The following ZFHX3 variants were observed in gnomAD, a reference collection of about 807,000 sequenced individuals.
The protein encoded by ZFHX3 is zinc finger homeobox protein 3.
ZFHX3 carries 42 observed loss-of-function variants against 279.1 expected under a neutral mutation model. The observed-to-expected ratio is 0.15, with a 90% confidence interval of 0.12 to 0.19. ZFHX3 has a LOEUF of 0.19. Among genes scored for constraint, ZFHX3 ranks in the 10% least tolerant of loss-of-function variants. The pLI is 1.00. For missense variants in ZFHX3, 4,981 were observed against 4,754.0 expected (o/e 1.05, Z -1.40); for synonymous variants, 2,293 against 1,957.8 (o/e 1.17, Z -4.52).
chr16:73,291,152 G>A (rs2014758715), intron 4 of ZFHX3, among the ~76,000 whole-genome samples: 2 of 152,188 alleles, frequency 1.3e-5, no homozygotes, highest in African/African-American at 4.8e-5. Flanking sequence ...TGTCTGTAGA[G>A]TTATCCCATT....
At chr16:73,822,596 G>A (rs149194899) in intron 1 of ZFHX3, among the ~76,000 whole-genome samples, 265 of 152,068 alleles carry the variant, frequency 1.7e-3, no homozygotes, top group Admixed American at 0.015. Flanking sequence ...GTTCTGCTCG[G>A]CATAGATACT....
chr16:73,595,591 G>A (rs868494006), intron 2 of ZFHX3, among the ~76,000 whole-genome samples: 3 of 152,054 alleles, frequency 2.0e-5, no homozygotes, highest in African/African-American at 4.8e-5. Context: ...CACTCTCTGG[G>A]TGTGATACAT....
At chr16:73,324,788 G>T (rs957848913) in intron 3 of ZFHX3, among the ~76,000 whole-genome samples, 1 of 152,152 alleles carries the variant, frequency 6.6e-6, no homozygotes, top group African/African-American at 2.4e-5. Context: ...ATATCCATTA[G>T]GACTGGAAGG....
At chr16:73,480,402 A>T (rs1367908805) in intron 2 of ZFHX3, among the ~76,000 whole-genome samples, 1 of 152,174 alleles carries the variant, frequency 6.6e-6, no homozygotes, top group Non-Finnish European at 1.5e-5. Context: ...GAGGAACCTT[A>T]GGTAATGAAC....
At chr16:73,172,828 A>G (rs1363428453) in intron 5 of ZFHX3, among the ~76,000 whole-genome samples, 1 of 152,042 alleles carries the variant, frequency 6.6e-6, no homozygotes, top group Non-Finnish European at 1.5e-5. Flanking sequence ...ACCATGGGTC[A>G]TTGACAGTCG....
chr16:73,683,852 G>A lies in ZFHX3; in HGVS notation c.-1607-3612C>T, dbSNP rs2053051628. On this transcript the variant is annotated intron_variant, in intron 1 of 17. Transcript: ENST00000641206. ...AGAATAGTATAATAGAATGTTATTT[G>A]TTGTTCAGAGAAGGGTCATAAACTT... Among the ~76,000 whole-genome samples the A allele has an allele frequency of 2.0e-5, 3 of 152,206 alleles. No homozygotes were observed. The South Asian group carries it at 6.2e-4, about 32-fold the overall frequency.
intron 3 of ZFHX3, among the ~76,000 whole-genome samples, chr16:73,414,278 T>C (rs963151255): frequency 3.3e-5 from 5 of 152,210 alleles, no homozygotes; most frequent in African/African-American, 9.7e-5. Flanking sequence ...AGAGATAATT[T>C]CTACCTTTTA....
rs532627759 is a variant in ZFHX3 at position 73,069,779 on chromosome 16, G to A, written c.-532-10767C>T. Among the ~76,000 whole-genome samples, 36 of 152,244 alleles carry A rather than the reference G, an allele frequency of 2.4e-4. No homozygotes were observed. The South Asian group carries it at 2.5e-3, about 11-fold the overall frequency. The stretch of plus-strand genomic sequence containing the variant: ...CTGAGTTGGTCACTCCACTTCCCAC[G>A]GGCTTTGGCCAAATTTCCACCCGGT... On this transcript the variant is annotated intron_variant, in intron 8 of 17. Coordinates refer to the ZFHX3 transcript ENST00000641206.
intron 2 of ZFHX3, among the ~76,000 whole-genome samples, chr16:73,591,418 G>A (rs1052026612): frequency 6.8e-6 from 1 of 146,860 alleles, no homozygotes; most frequent in Admixed American, 6.8e-5. Flanking sequence ...AGGGGGCCGG[G>A]TGCGGTGGCT....
At chr16:73,586,708 G>T (rs1173272648) in intron 2 of ZFHX3, among the ~76,000 whole-genome samples, 2 of 152,076 alleles carry the variant, frequency 1.3e-5, no homozygotes, top group African/African-American at 4.8e-5. Context: ...TTATGTTATT[G>T]GCAGATGAGG....
intron 1 of ZFHX3, among the ~76,000 whole-genome samples, chr16:73,849,297 T>A (rs1338750448): frequency 1.3e-5 from 2 of 152,214 alleles, no homozygotes; most frequent in Non-Finnish European, 2.9e-5. Flanking sequence ...GCAGTTGAAC[T>A]TTGAATCTGA....
At chr16:73,332,199 G>A (rs557298344) in intron 3 of ZFHX3, among the ~76,000 whole-genome samples, 2 of 152,132 alleles carry the variant, frequency 1.3e-5, no homozygotes, top group Admixed American at 6.5e-5. Context: ...TGATAAAAAC[G>A]AAATTTGGGG....
At chr16:73,462,657 T>C (rs2018493017) in intron 2 of ZFHX3, among the ~76,000 whole-genome samples, 1 of 152,220 alleles carries the variant, frequency 6.6e-6, no homozygotes, top group South Asian at 2.1e-4. Context: ...CTGCATCAAT[T>C]GATATAATCA....
chr16:73,035,672 G>A (rs912716415), intron 1 of ZFHX3, among the ~76,000 whole-genome samples: 14 of 152,230 alleles, frequency 9.2e-5, no homozygotes, highest in African/African-American at 3.4e-4. Context: ...GATCACTTGA[G>A]CTCAGGAGTT....
intron 1 of ZFHX3, among the ~76,000 whole-genome samples, chr16:73,697,195 C>T (rs1416516015): frequency 6.7e-6 from 1 of 149,032 alleles, no homozygotes; most frequent in Non-Finnish European, 1.5e-5. Flanking sequence ...ATTAGGAAAA[C>T]ATCTATCATG....
Position 73,735,812 on chromosome 16 carries a change from G to A in ZFHX3, c.-1607-55572C>T, listed in dbSNP as rs553148355. Among the ~76,000 whole-genome samples the A allele has an allele frequency of 2.4e-4, 37 of 152,016 alleles. No individual in the cohort carries two copies. In the East Asian group the frequency reaches 7.0e-3, roughly 29 times the overall value. On this transcript the variant is annotated intron_variant, in intron 1 of 17. Transcript: ENST00000641206. Reference sequence around the variant, plus strand: ...GCTGTTTCCCATCATCCCCTTCTCTGTAGGGTTTTGAATTAGTGTTGCCCA... The same window carrying A: ...GCTGTTTCCCATCATCCCCTTCTCTATAGGGTTTTGAATTAGTGTTGCCCA...
chr16:73,670,535 A>G (rs1000952212), intron 2 of ZFHX3, among the ~76,000 whole-genome samples: 2 of 152,210 alleles, frequency 1.3e-5, no homozygotes, highest in Non-Finnish European at 2.9e-5. Flanking sequence ...CGTTTTCCCA[A>G]AAGTAGAAAT....
intron 2 of ZFHX3, among the ~76,000 whole-genome samples, chr16:73,635,792 A>G (rs1356781392): frequency 6.6e-6 from 1 of 152,166 alleles, no homozygotes; most frequent in African/African-American, 2.4e-5. Flanking sequence ...AATAATAGAC[A>G]CTTCCTTTGA....
At chr16:72,833,096 T>A (rs1567538771) in intron 4 of ZFHX3, among the ~76,000 whole-genome samples, 2 of 152,202 alleles carry the variant, frequency 1.3e-5, no homozygotes, top group Admixed American at 1.3e-4. Context: ...TGTGTTTTAT[T>A]GGTTCCGAAA....
Sources: gnomAD v4.1 joint callset for allele counts (sites outside exome capture counted in the v4.1 genomes callset) on GRCh38, gnomAD v4.1.1 for gene constraint, MANE v1.5 for transcripts, NCBI Gene and HGNC (gene_info 2026-07-23, HGNC 2026-07-21) for gene names.